The following UST variants were observed in gnomAD, a reference collection of about 807,000 sequenced individuals.
The protein encoded by UST is chondroitin sulfate 2-O-sulfotransferase.
A neutral mutation model predicts 45.6 loss-of-function variants in UST; 21 were observed. The observed-to-expected ratio is 0.46, with a 90% CI of 0.33 to 0.66. The LOEUF is 0.66. UST is among the 30% of genes least tolerant of loss of function. UST has a pLI of 0.02. For synonymous variants in UST, 215 were observed against 200.6 expected (o/e 1.07, Z -0.61); for missense variants, 463 against 512.4 (o/e 0.90, Z 0.93).
intron 1 of UST, among the ~76,000 whole-genome samples, chr6:148,762,221 G>A (rs2114659312): frequency 6.6e-6 from 1 of 152,320 alleles, no homozygotes; most frequent in East Asian, 1.9e-4. Context: ...TCTGGCTTTT[G>A]TCTCCTCTTT....
At chr6:148,829,766 A>T (rs1777646700) in intron 1 of UST, among the ~76,000 whole-genome samples, 1 of 152,182 alleles carries the variant, frequency 6.6e-6, no homozygotes, top group African/African-American at 2.4e-5. Flanking sequence ...TCTTCTTTCT[A>T]ATAGTTACTC....
At chr6:149,009,332 C>G (rs1164955124) in intron 5 of UST, among the ~76,000 whole-genome samples, 1 of 151,904 alleles carries the variant, frequency 6.6e-6, no homozygotes, top group Non-Finnish European at 1.5e-5. Flanking sequence ...TTTCAAAAGC[C>G]AATTGGAAAA....
chr6:149,002,637 G>A (rs771096322), intron 5 of UST, among the ~76,000 whole-genome samples: 1 of 152,110 alleles, frequency 6.6e-6, no homozygotes, highest in Non-Finnish European at 1.5e-5. Context: ...CTCTCGAGTA[G>A]CTGGGACTAC....
At chr6:148,819,940 C>G (rs866387930) in intron 1 of UST, among the ~76,000 whole-genome samples, 1 of 152,166 alleles carries the variant, frequency 6.6e-6, no homozygotes, top group Non-Finnish European at 1.5e-5. Context: ...GCTTTTTCCA[C>G]GAGCTGCTAT....
At chr6:148,923,747 T>C (rs1779760131) in intron 2 of UST, among the ~76,000 whole-genome samples, 1 of 152,090 alleles carries the variant, frequency 6.6e-6, no homozygotes, top group Non-Finnish European at 1.5e-5. Context: ...CAGTAGGGTG[T>C]GCTCAGAATT....
chr6:148,771,048 C>T (rs1776415930), intron 1 of UST, among the ~76,000 whole-genome samples: 1 of 152,066 alleles, frequency 6.6e-6, no homozygotes. Context: ...TGACATTTTC[C>T]TGTTATGATA....
At chr6:148,904,556 C>T (rs956882373) in intron 2 of UST, among the ~76,000 whole-genome samples, 4 of 152,100 alleles carry the variant, frequency 2.6e-5, no homozygotes, top group Non-Finnish European at 5.9e-5. Context: ...GACAGTCTCA[C>T]TCTGTCACCC....
At chr6:149,002,632 G>A (rs1054031753) in intron 5 of UST, among the ~76,000 whole-genome samples, 9 of 151,988 alleles carry the variant, frequency 5.9e-5, no homozygotes, top group Admixed American at 5.2e-4. Context: ...TCAGCCTCTC[G>A]AGTAGCTGGG....
chr6:149,047,333 G>C (rs888306417), intron 7 of UST, among the ~76,000 whole-genome samples: 2 of 152,098 alleles, frequency 1.3e-5, no homozygotes, highest in Admixed American at 6.5e-5. Flanking sequence ...AAAAATTAAG[G>C]AATGTGTACA....
At chr6:148,809,146 GC>G (rs1015839134) in intron 1 of UST, among the ~76,000 whole-genome samples, 3 of 152,210 alleles carry the variant, frequency 2.0e-5, no homozygotes, top group Admixed American at 6.5e-5. Context: ...CAGGGCCTGT[GC>G]CCTGAGCACA....
chr6:149,013,083 T>C (rs955242914), intron 5 of UST, among the ~76,000 whole-genome samples: 17 of 152,360 alleles, frequency 1.1e-4, no homozygotes, highest in African/African-American at 4.1e-4. Flanking sequence ...AGCCAAGATT[T>C]GAACTGAGGT....
Position 149,021,436 on chromosome 6 carries a change from T to A in UST, c.892T>A (p.Leu298Ile). The change falls in exon 7 of 8, where the codon TTA becomes ATA. Residue 298 changes from leucine (L) to isoleucine (I), a missense_variant. Physicochemically the swap from Leu to Ile is conservative, Grantham distance 5. This residue lies in a region of UST where 287 missense variants were observed against 374.2 expected (regional missense o/e 0.77). Coordinates refer to ENST00000367463, the MANE Select transcript of UST (RefSeq NM_005715.3). Reference protein sequence around the residue: ...EDVLLLLERFLPHYFKGVLSI... With the variant: ...EDVLLLLERFIPHYFKGVLSI... ...TGTGCTGCTGTTACTGGAAAGATTT[T>A]TACCTCATTACTTCAAGGGCGTGCT... 6.2e-7 allele frequency: 1 copy of A among 1,614,204 alleles called. No individual in the cohort carries two copies. Among genetic ancestry groups the A allele is most frequent in the Non-Finnish European group, 8.5e-7 (1 of 1,180,048 alleles).
In UST at chr6:148,747,587, G is replaced by T; in HGVS notation, c.157G>T (p.Ala53Ser). The change falls in exon 1 of 8, where the codon GCC (alanine) becomes TCC (serine). Residue 53 changes from alanine to serine, a missense_variant. Around this residue, in one of 2 missense-constraint regions of UST, gnomAD observed 176 missense variants for 138.3 expected, o/e 1.27. Coordinates refer to ENST00000367463, the MANE Select transcript of UST (RefSeq NM_005715.3). ...FSLRDYGFCM[A>S]TLLVFCLGSL... is the part of the protein sequence containing the mutation. ...CCTCCGGGACTACGGCTTCTGCATGGCCACCCTGCTGGTCTTCTGCCTGGG... is the reference window on the plus strand; with the variant it reads ...CCTCCGGGACTACGGCTTCTGCATGTCCACCCTGCTGGTCTTCTGCCTGGG... The T allele has an allele frequency of 6.3e-7, 1 of 1,593,278 alleles. No homozygotes were observed. The highest frequency in any genetic ancestry group is 8.5e-7 in the Non-Finnish European group (1 of 1,171,428).
intron 1 of UST, among the ~76,000 whole-genome samples, chr6:148,839,484 A>T (rs549470110): frequency 1.4e-4 from 22 of 152,218 alleles, no homozygotes; most frequent in Non-Finnish European, 3.1e-4. Context: ...ATGAAAGCTT[A>T]TTCAATCTGT....
chr6:148,809,414 C>G (rs1777212705), intron 1 of UST, among the ~76,000 whole-genome samples: 1 of 151,844 alleles, frequency 6.6e-6, no homozygotes, highest in African/African-American at 2.4e-5. Flanking sequence ...CTTTCTTCCT[C>G]AGAGGTGCGT....
At chr6:148,784,884 G>A (rs1776708159) in intron 1 of UST, among the ~76,000 whole-genome samples, 1 of 152,202 alleles carries the variant, frequency 6.6e-6, no homozygotes, top group East Asian at 1.9e-4. Context: ...GAAGAGCAGA[G>A]CATGGCCATG....
At chr6:149,016,287 G>A (rs1775898516) in intron 5 of UST, among the ~76,000 whole-genome samples, 2 of 152,214 alleles carry the variant, frequency 1.3e-5, no homozygotes, top group South Asian at 4.1e-4. Flanking sequence ...GGTTATTTGT[G>A]GATTCCAATA....
intron 7 of UST, among the ~76,000 whole-genome samples, chr6:149,023,104 GTGTGTGTGT>G (rs1562332124): frequency 1.7e-3 from 9 of 5,234 alleles, no homozygotes; most frequent in African/African-American, 2.9e-3. Flanking sequence ...GTTCTATGGT[GTGTGTGTGT>G]GTGTGTGTGT....
At chr6:148,881,020 C>G (rs1778813623) in intron 1 of UST, among the ~76,000 whole-genome samples, 1 of 149,876 alleles carries the variant, frequency 6.7e-6, no homozygotes, top group Non-Finnish European at 1.5e-5. Context: ...CAGAACCAGA[C>G]TCCGTCTAAA....
Sources: allele counts gnomAD v4.1 joint callset (sites outside exome capture counted in the v4.1 genomes callset), GRCh38; gene constraint gnomAD v4.1.1; regional missense constraint gnomAD v4.1.1; transcripts MANE v1.5; gene names NCBI Gene and HGNC (gene_info 2026-07-23, HGNC 2026-07-21).